Variants in PDE4D observed in about 807,000 individuals in gnomAD.
PDE4D encodes the protein phosphodiesterase 4D.
In PDE4D, 24 loss-of-function variants were observed where a neutral mutation model predicts 87.4. The observed-to-expected ratio is 0.27, with a 90% CI of 0.20 to 0.39. The LOEUF is 0.39. PDE4D is among the 10% of genes least tolerant of loss of function. The probability of loss-of-function intolerance (pLI) is 1.00; values close to 1 mark genes in which losing one functional copy is unlikely to be tolerated. For synonymous variants in PDE4D, 384 were observed against 383.2 expected, an observed-to-expected ratio of 1.00 and a Z score of -0.02; for missense variants, 714 against 1,041.0, an observed-to-expected ratio of 0.69 and a Z score of 4.32.
intron 1 of PDE4D, among the ~76,000 whole-genome samples, chr5:60,495,653 G>A (rs1160135874): frequency 6.6e-6 from 1 of 152,224 alleles, no homozygotes; most frequent in Non-Finnish European, 1.5e-5. Context: ...TTTGCTAAGT[G>A]AAAATTGCAC....
chr5:59,964,248 C>G (rs1759766894), intron 3 of PDE4D, among the ~76,000 whole-genome samples: 1 of 152,088 alleles, frequency 6.6e-6, no homozygotes, highest in Admixed American at 6.6e-5. Context: ...TTACTTTGGT[C>G]TCATTATGAG....
chr5:59,379,954 A>G (rs748217526), intron 1 of PDE4D, among the ~76,000 whole-genome samples: 12 of 152,152 alleles, frequency 7.9e-5, no homozygotes, highest in Non-Finnish European at 1.6e-4. Context: ...CATTGTACCC[A>G]GTAGGTAGAG....
At chr5:59,015,968 T>C (rs937573592) in intron 6 of PDE4D, among the ~76,000 whole-genome samples, 1 of 152,196 alleles carries the variant, frequency 6.6e-6, no homozygotes, top group Non-Finnish European at 1.5e-5. Context: ...GTTCATCATG[T>C]CCTTTGTAGG....
At chr5:59,902,085 A>G (rs188049772) in intron 3 of PDE4D, among the ~76,000 whole-genome samples, 1 of 152,204 alleles carries the variant, frequency 6.6e-6, no homozygotes, top group African/African-American at 2.4e-5. Context: ...TTACATCAGG[A>G]AGCCATGAAC....
intron 1 of PDE4D, among the ~76,000 whole-genome samples, chr5:59,704,271 G>A (rs555492841): frequency 6.6e-6 from 1 of 152,236 alleles, no homozygotes; most frequent in Admixed American, 6.5e-5. Flanking sequence ...GAAAGCAGAG[G>A]ACTCTCATCT....
At chr5:60,264,313 G>A (rs1254486195) in intron 1 of PDE4D, among the ~76,000 whole-genome samples, 6 of 152,248 alleles carry the variant, frequency 3.9e-5, no homozygotes, top group South Asian at 2.1e-4. Context: ...TTCCTGACAC[G>A]ACTTGAAGAT....
chr5:59,162,949 T>TG (rs1469631009), intron 5 of PDE4D, among the ~76,000 whole-genome samples: 1 of 151,902 alleles, frequency 6.6e-6, no homozygotes, highest in Non-Finnish European at 1.5e-5. Flanking sequence ...TAATTGATTT[T>TG]TTTTTTTTCT....
chr5:59,869,936 G>A (rs1401767187), intron 1 of PDE4D, among the ~76,000 whole-genome samples: 1 of 152,112 alleles, frequency 6.6e-6, no homozygotes, highest in Non-Finnish European at 1.5e-5. Context: ...TAATAGTATG[G>A]CATTTGAATC....
rs1187044685 is a variant in PDE4D, at chr5:59,066,985, G to GTGAT, written c.809-28018_809-28015dup. ...ATGTTGTTTATAAGCCACCCAGCTC[G>GTGAT]TGATTTATTTATTTATTTATTTATT... On this transcript the variant is annotated intron_variant, in intron 5 of 14. Transcript: ENST00000340635. Among the ~76,000 whole-genome samples, 555 of 127,704 alleles carry GTGAT rather than the reference G, an allele frequency of 4.3e-3. 5 individuals carry two copies. The highest frequency in any genetic ancestry group is 0.015 in the African/African-American group (502 of 33,758). 83.8% of individuals were successfully genotyped at this position (127,704 alleles called of 152,430 possible).
At chr5:59,001,171 A>T (rs1750462717) in intron 6 of PDE4D, among the ~76,000 whole-genome samples, 2 of 152,200 alleles carry the variant, frequency 1.3e-5, no homozygotes, top group Non-Finnish European at 2.9e-5. Flanking sequence ...CTGTAACTTT[A>T]ATACTAAAGA....
intron 1 of PDE4D, among the ~76,000 whole-genome samples, chr5:59,246,722 C>T (rs1474438250): frequency 6.6e-6 from 1 of 152,140 alleles, no homozygotes; most frequent in Non-Finnish European, 1.5e-5. Context: ...AAGGCTGGAT[C>T]TACATGCATG....
chr5:59,999,526 TA>T lies in PDE4D; in HGVS notation c.43-10810del, dbSNP rs1325345412. On this transcript the variant is annotated intron_variant, in intron 2 of 16. Transcript: ENST00000502484. ...AATTCAAAGAAGATGTATCCCGTGG[TA>T]AAAAAAAAAAAAAACAAAACAAAAC... Among the ~76,000 whole-genome samples, 102 of 57,164 alleles carry T rather than the reference TA, an allele frequency of 1.8e-3. 2 individuals are homozygous for T. The highest frequency in any genetic ancestry group is 6.3e-3 in the African/African-American group (99 of 15,602). The allele number at this position is 57,164 out of a possible 152,430, so 37.5% of individuals were successfully genotyped here.
At chr5:60,352,194 C>A (rs1019654844) in intron 1 of PDE4D, among the ~76,000 whole-genome samples, 1 of 152,096 alleles carries the variant, frequency 6.6e-6, no homozygotes, top group Non-Finnish European at 1.5e-5. Context: ...CCAATACATA[C>A]CATTCTCCCT....
chr5:59,475,159 T>G (rs1455870945), intron 1 of PDE4D, among the ~76,000 whole-genome samples: 2 of 138,966 alleles, frequency 1.4e-5, no homozygotes, highest in Non-Finnish European at 3.1e-5. Flanking sequence ...TTATTTCCAC[T>G]GGCAACCGTT....
chr5:59,244,864 A>G (rs1285296129), intron 1 of PDE4D, among the ~76,000 whole-genome samples: 1 of 151,306 alleles, frequency 6.6e-6, no homozygotes, highest in African/African-American at 2.4e-5. Context: ...TTCAGGAAAT[A>G]AACCAACACG....
intron 1 of PDE4D, among the ~76,000 whole-genome samples, chr5:59,549,154 T>C (rs1817723139): frequency 6.6e-6 from 1 of 152,152 alleles, no homozygotes; most frequent in Non-Finnish European, 1.5e-5. Context: ...ATGTTCCCTC[T>C]TGGAAGTTCA....
chr5:59,483,801 C>A (rs1158651727), intron 1 of PDE4D, among the ~76,000 whole-genome samples: 7 of 152,178 alleles, frequency 4.6e-5, no homozygotes, highest in Admixed American at 2.0e-4. Context: ...GCTCAGGATG[C>A]AAGTTGCTTT....
chr5:59,713,502 T>G (rs1462808422), intron 1 of PDE4D, among the ~76,000 whole-genome samples: 1 of 152,178 alleles, frequency 6.6e-6, no homozygotes, highest in Non-Finnish European at 1.5e-5. Context: ...GTTGAAACTG[T>G]GCATGATTCC....
At chr5:59,422,767 G>A (rs1373733747) in intron 1 of PDE4D, among the ~76,000 whole-genome samples, 13 of 152,166 alleles carry the variant, frequency 8.5e-5, no homozygotes, top group Admixed American at 7.9e-4. Flanking sequence ...TTTGGCAAGC[G>A]AGAGGCTGCA....
Sources: gnomAD v4.1 joint callset for allele counts (sites outside exome capture counted in the v4.1 genomes callset) on GRCh38, gnomAD v4.1.1 for gene constraint, MANE v1.5 for transcripts, NCBI Gene and HGNC (gene_info 2026-07-23, HGNC 2026-07-21) for gene names.